Variants in OGDH observed in about 807,000 individuals in gnomAD.
OGDH encodes the protein 2-oxoglutarate dehydrogenase complex component E1.
A neutral mutation model predicts 116.6 loss-of-function variants in OGDH; 38 were observed. The ratio of observed to expected loss-of-function variants is 0.33; its 90% CI spans 0.25 to 0.43. OGDH has a LOEUF of 0.43. Among genes scored for constraint, OGDH ranks in the 20% least tolerant of loss-of-function variants. OGDH has a pLI of 1.00. For missense variants in OGDH, 825 were observed against 1,357.2 expected (o/e 0.61, Z 6.16); for synonymous variants, 488 against 533.3 (o/e 0.92, Z 1.17).
Position 44,699,251 on chromosome 7 carries a change from C to T in OGDH, c.2431-890C>T, listed in dbSNP as rs558561738. On this transcript the variant is annotated intron_variant, in intron 18 of 22. Transcript: ENST00000222673. ...GACCACCCTGGCCAATATAGTGAAA[C>T]CCCGTCTCTACTAAAAATACAAAAA... Among the ~76,000 whole-genome samples, 4 of 152,098 alleles carry T rather than the reference C, an allele frequency of 2.6e-5. No individual in the cohort carries two copies. The South Asian group carries it at 8.3e-4, about 32-fold the overall frequency.
chr7:44,618,540 T>C (rs1009870928), intron 1 of OGDH, among the ~76,000 whole-genome samples: 3 of 152,206 alleles, frequency 2.0e-5, no homozygotes, highest in Non-Finnish European at 2.9e-5. Flanking sequence ...ATAGTTCTTG[T>C]TATTTCCTAA....
intron 2 of OGDH, among the ~76,000 whole-genome samples, chr7:44,626,447 T>G (rs539345770): frequency 6.6e-6 from 1 of 152,334 alleles, no homozygotes; most frequent in African/African-American, 2.4e-5. Flanking sequence ...CCTATTCTTT[T>G]GCCTTCCTTT....
chr7:44,637,744 G>A (rs184525899), intron 2 of OGDH, among the ~76,000 whole-genome samples: 105 of 151,874 alleles, frequency 6.9e-4, no homozygotes, highest in Non-Finnish European at 1.2e-3. Context: ...CGGGATGGGG[G>A]TTGGGGGGTG....
intron 1 of OGDH, among the ~76,000 whole-genome samples, chr7:44,607,503 A>C (rs555398415): frequency 1.6e-3 from 243 of 152,232 alleles, no homozygotes; most frequent in Non-Finnish European, 2.8e-3. Flanking sequence ...GCTGATTTCC[A>C]GGTACACTGC....
At chr7:44,681,142 A>G (rs1451062158) in intron 9 of OGDH, among the ~76,000 whole-genome samples, 3 of 152,178 alleles carry the variant, frequency 2.0e-5, no homozygotes, top group Non-Finnish European at 4.4e-5. Flanking sequence ...GAGGAACAGG[A>G]TGTAAAGTTT....
At chr7:44,706,651 G>T (rs1412618487) in intron 20 of OGDH, among the ~76,000 whole-genome samples, 1 of 142,394 alleles carries the variant, frequency 7.0e-6, no homozygotes, top group Non-Finnish European at 1.5e-5. Context: ...TCTGGAGATG[G>T]AGTCTTGCTC....
At chr7:44,641,823 G>A (rs746227862) in intron 2 of OGDH, among the ~76,000 whole-genome samples, 28 of 152,344 alleles carry the variant, frequency 1.8e-4, no homozygotes, top group Admixed American at 5.9e-4. Flanking sequence ...AAGTACCTGA[G>A]GGTGTCCAGT....
At chr7:44,689,204 G>T (rs1388705670) in intron 10 of OGDH, among the ~76,000 whole-genome samples, 4 of 141,842 alleles carry the variant, frequency 2.8e-5, no homozygotes, top group Admixed American at 7.1e-5. Context: ...ATATATCAGG[G>T]TTCCTTTTTT....
At position 44,626,549 on chromosome 7, in the gene OGDH, G is replaced by T. The variant is rs887625973; in HGVS notation, c.222+1984G>T. On this transcript the variant is annotated intron_variant, in intron 2 of 22. Coordinates refer to ENST00000222673, the MANE Select transcript of OGDH (RefSeq NM_002541.4). The stretch of plus-strand genomic sequence containing the variant: ...TAGCTCCTAAATGACAGTGCCTAGT[G>T]TCTGAAAGGTAAAGAGCACCTGGCT... 4.6e-5 allele frequency among the ~76,000 whole-genome samples: 7 copies of T among 152,300 alleles called. 1 individual carries two copies. Among genetic ancestry groups the T allele is most frequent in the Admixed American group, 2.0e-4 (3 of 15,296 alleles).
Position 44,707,808 on chromosome 7 carries a change from A to G in OGDH, c.2952-71A>G. 2 of 1,610,038 alleles carry G rather than the reference A, an allele frequency of 1.2e-6. No individual in the cohort carries two copies. Among genetic ancestry groups the G allele is most frequent in the Non-Finnish European group, 1.7e-6 (2 of 1,177,644 alleles). On this transcript the variant is annotated intron_variant, in intron 22 of 22. Coordinates refer to ENST00000222673, the MANE Select transcript of OGDH (RefSeq NM_002541.4). The surrounding 1 kb of genome is among the most constrained non-coding windows in gnomAD (Gnocchi z 5.2). ...GGCCAGTAGGCAGTTAGCCAGGCAC[A>G]TGCAGCAGAGGGATGGGCTGGGCCA...
chr7:44,700,500 G>A (rs548817596), intron 19 of OGDH, among the ~76,000 whole-genome samples: 1 of 152,362 alleles, frequency 6.6e-6, no homozygotes, highest in East Asian at 1.9e-4. Flanking sequence ...ATACTGCTGA[G>A]CACCACATGC....
chr7:44,668,402 C>T (rs1283583438), intron 5 of OGDH, among the ~76,000 whole-genome samples: 1 of 152,090 alleles, frequency 6.6e-6, no homozygotes, highest in African/African-American at 2.4e-5. Context: ...CGCCACTGCA[C>T]TCCAGCCTGG....
At chr7:44,620,745 G>A (rs958038897) in intron 1 of OGDH, among the ~76,000 whole-genome samples, 1 of 129,970 alleles carries the variant, frequency 7.7e-6, no homozygotes, top group African/African-American at 2.9e-5. Context: ...ATTATGAGAT[G>A]TTTTTGCGAT....
intron 4 of OGDH, among the ~76,000 whole-genome samples, chr7:44,662,828 A>G (rs533926349): frequency 2.0e-5 from 3 of 152,204 alleles, no homozygotes; most frequent in South Asian, 2.1e-4. Context: ...TGTTTTCCCT[A>G]TAGGTAAAGT....
At chr7:44,689,004 C>T (rs1161957437) in intron 10 of OGDH, among the ~76,000 whole-genome samples, 1 of 152,126 alleles carries the variant, frequency 6.6e-6, no homozygotes, top group Non-Finnish European at 1.5e-5. Flanking sequence ...CCTGCCTCAG[C>T]CTCCCAAGGT....
intron 4 of OGDH, among the ~76,000 whole-genome samples, chr7:44,654,207 A>G (rs1017711628): frequency 6.6e-6 from 1 of 152,362 alleles, no homozygotes; most frequent in Non-Finnish European, 1.5e-5. Flanking sequence ...TTAAAAACCA[A>G]TTGTATAAAT....
At chr7:44,649,794 C>T (rs1171556381) in intron 4 of OGDH, among the ~76,000 whole-genome samples, 3 of 152,070 alleles carry the variant, frequency 2.0e-5, no homozygotes, top group African/African-American at 4.8e-5. Context: ...CATTAGTGGC[C>T]GAGGCAGGGC....
intron 18 of OGDH, 98 bp from the exon 19 acceptor site, chr7:44,700,043 G>A (rs1788757875): frequency 7.7e-7 from 1 of 1,306,276 alleles, no homozygotes; most frequent in African/African-American, 1.5e-5. Flanking sequence ...GATTTGGGCA[G>A]GGACAAATAT....
At chr7:44,655,776 A>T (rs1287369682) in intron 4 of OGDH, among the ~76,000 whole-genome samples, 1 of 152,230 alleles carries the variant, frequency 6.6e-6, no homozygotes, top group Non-Finnish European at 1.5e-5. Context: ...GGTTGTTTTC[A>T]GCTAGCAAGC....
Sources: allele counts gnomAD v4.1 joint callset (sites outside exome capture counted in the v4.1 genomes callset), GRCh38; gene constraint gnomAD v4.1.1; non-coding constraint Gnocchi (gnomAD v3.1); transcripts MANE v1.5; gene names NCBI Gene and HGNC (gene_info 2026-07-23, HGNC 2026-07-21).